Variants in NRIP1 observed in about 807,000 individuals in gnomAD.
NRIP1 encodes nuclear receptor-interacting protein 1.
NRIP1 carries 28 observed loss-of-function variants against 75.0 expected under a neutral mutation model. The observed-to-expected ratio is 0.37, with a 90% CI of 0.28 to 0.51. The LOEUF is 0.51. NRIP1 is among the 20% of genes least tolerant of loss of function. The pLI, the probability that NRIP1 is intolerant of heterozygous loss-of-function variation, is 0.92. For synonymous variants in NRIP1, 526 were observed against 487.6 expected, an observed-to-expected ratio of 1.08 and a Z score of -1.04; for missense variants, 1,435 against 1,343.7, an observed-to-expected ratio of 1.07 and a Z score of -1.06.
intron 1 of NRIP1, among the ~76,000 whole-genome samples, chr21:15,063,752 G>T (rs953614459): frequency 2.6e-5 from 4 of 152,182 alleles, no homozygotes; most frequent in African/African-American, 9.7e-5. Context: ...GCCTAAGAAC[G>T]TCTTTTTTCC....
rs746437857 is a variant in NRIP1 at position 14,965,698 on chromosome 21, G to A, written c.2495C>T (p.Ala832Val). Residue 832 changes from alanine to valine, a missense_variant, in exon 4 of 4, where the codon GCA (alanine) becomes GTA (valine). By Grantham distance (64) the Ala-to-Val change is moderately conservative (BLOSUM62 0). Coordinates refer to ENST00000318948, the MANE Select transcript of NRIP1 (RefSeq NM_003489.4). ...TCTGTGACTCCTGTCTGAATCATCT[G>A]CCAGGTAACTATCTTGATTTTGTCT... ...LLRQNQDSYL[A>V]DDSDRSHRNN... 12 of 1,613,538 alleles carry A rather than the reference G, an allele frequency of 7.4e-6. No individual in the cohort carries two copies. In the South Asian group the frequency reaches 1.3e-4, roughly 18 times the overall value.
At chr21:14,996,202 C>A (rs1013284723) in intron 3 of NRIP1, among the ~76,000 whole-genome samples, 2 of 152,148 alleles carry the variant, frequency 1.3e-5, no homozygotes, top group Non-Finnish European at 2.9e-5. Flanking sequence ...ACTTCACATT[C>A]TTTTTGTAGT....
chr21:15,027,783 T>C (rs1336257498), intron 2 of NRIP1, among the ~76,000 whole-genome samples: 1 of 152,174 alleles, frequency 6.6e-6, no homozygotes, highest in East Asian at 1.9e-4. Flanking sequence ...CCTCTAAATC[T>C]AAACGGGCTT....
At chr21:15,031,717 A>G (rs371327008) in intron 2 of NRIP1, among the ~76,000 whole-genome samples, 2 of 128,552 alleles carry the variant, frequency 1.6e-5, no homozygotes, top group Admixed American at 1.5e-4. Flanking sequence ...TTCCCTTTCT[A>G]TGTGTATACA....
chr21:15,014,265 T>C, intron 3 of NRIP1, 79 bp downstream of exon 3: 1 of 393,084 alleles, frequency 2.5e-6, no homozygotes, highest in Admixed American at 4.4e-5. Flanking sequence ...AGCTAATTTA[T>C]AACTGAGAAA....
intron 3 of NRIP1, among the ~76,000 whole-genome samples, chr21:14,976,418 G>A (rs2146987321): frequency 6.6e-6 from 1 of 152,176 alleles, no homozygotes; most frequent in East Asian, 1.9e-4. Flanking sequence ...GAATTACACA[G>A]TATATTTTAA....
chr21:14,964,786 G>A lies in NRIP1; in HGVS notation c.3407C>T (p.Pro1136Leu). Residue 1136 changes from proline (P) to leucine (L), a missense_variant, in exon 4 of 4, where the codon CCA (proline) becomes CTA (leucine). Pro to Leu is a moderately conservative substitution (Grantham distance 98). Transcript: ENST00000318948. ...NSHMGNNASR[P>L]HSANGEVYGL... is the part of the protein sequence containing the mutation. ...ATAAACTTCTCCATTTGCGCTGTGTGGGCGAGAAGCATTATTTCCCATATG... is the reference window on the plus strand; with the variant it reads ...ATAAACTTCTCCATTTGCGCTGTGTAGGCGAGAAGCATTATTTCCCATATG... The A allele has an allele frequency of 6.2e-7, 1 of 1,606,438 alleles. No homozygotes were observed. The highest frequency in any genetic ancestry group is 8.5e-7 in the Non-Finnish European group (1 of 1,177,618).
chr21:15,017,392 G>A (rs1156900282), intron 2 of NRIP1, among the ~76,000 whole-genome samples: 4 of 152,156 alleles, frequency 2.6e-5, no homozygotes, highest in African/African-American at 9.7e-5. Context: ...GTCATTATCT[G>A]TTGATGACAC....
intron 1 of NRIP1, among the ~76,000 whole-genome samples, chr21:15,063,407 T>G (rs949471390): frequency 3.9e-5 from 6 of 152,186 alleles, no homozygotes; most frequent in Non-Finnish European, 8.8e-5. Context: ...AGTCTATTAT[T>G]TCACTGTCTC....
intron 3 of NRIP1, among the ~76,000 whole-genome samples, chr21:14,997,748 C>T (rs915406809): frequency 4.7e-5 from 7 of 148,802 alleles, no homozygotes; most frequent in Non-Finnish European, 7.4e-5. Flanking sequence ...TTTATATATA[C>T]AATTTATATA....
intron 3 of NRIP1, among the ~76,000 whole-genome samples, chr21:15,002,864 A>G (rs1170603716): frequency 2.6e-5 from 4 of 152,250 alleles, no homozygotes; most frequent in Non-Finnish European, 5.9e-5. Context: ...CAAGAAAAGT[A>G]TGTGCATTAC....
chr21:14,991,067 A>G (rs1184309677), intron 3 of NRIP1: 1 of 152,064 alleles, frequency 6.6e-6, no homozygotes, highest in Non-Finnish European at 1.5e-5. Flanking sequence ...CCTAGATTAC[A>G]GCCCTGGCCC....
intron 2 of NRIP1, among the ~76,000 whole-genome samples, chr21:15,026,991 C>A (rs1190125991): frequency 2.6e-5 from 4 of 152,040 alleles, no homozygotes; most frequent in African/African-American, 9.7e-5. Flanking sequence ...ATCAAAACAT[C>A]TCTGTACCCC....
At chr21:15,026,896 G>C (rs1327297030) in intron 2 of NRIP1, among the ~76,000 whole-genome samples, 1 of 151,956 alleles carries the variant, frequency 6.6e-6, no homozygotes, top group Non-Finnish European at 1.5e-5. Context: ...AGTGTAACTG[G>C]GTTGTTTGCA....
Position 14,967,234 on chromosome 21 carries a change from C to G in NRIP1, c.959G>C (p.Gly320Ala). Residue 320 changes from glycine to alanine, a missense_variant, in exon 4 of 4, where the codon GGA becomes GCA. Transcript: ENST00000318948. ...CTGACCATTAAGATGGCTTGACATT[C>G]CTTTTGGGAGCTGGTAACTGCCAAC... is the stretch of plus-strand genomic sequence containing the variant. ...KDVGSYQLPKGMSSHLNGQAR... is the reference protein window; with the variant it reads ...KDVGSYQLPKAMSSHLNGQAR... The G allele has an allele frequency of 6.2e-7, 1 of 1,614,016 alleles. No homozygotes were observed. Among genetic ancestry groups the G allele is most frequent in the Non-Finnish European group, 8.5e-7 (1 of 1,179,986 alleles).
chr21:15,050,648 A>G (rs2089181109), intron 1 of NRIP1: 1 of 439,150 alleles, frequency 2.3e-6, no homozygotes, highest in Non-Finnish European at 4.6e-6. Flanking sequence ...ACCACAGTAA[A>G]TCCTACCCTT....
intron 2 of NRIP1, among the ~76,000 whole-genome samples, chr21:15,035,627 G>A (rs1337002549): frequency 2.6e-5 from 4 of 151,050 alleles, no homozygotes; most frequent in Non-Finnish European, 5.9e-5. Flanking sequence ...CGCGATCTCG[G>A]CTCACTGCAA....
chr21:15,035,828 T>C (rs1303850950), intron 2 of NRIP1, among the ~76,000 whole-genome samples: 1 of 152,172 alleles, frequency 6.6e-6, no homozygotes, highest in Admixed American at 6.5e-5. Context: ...AGTGCTGGGA[T>C]TACAGGCATC....
At chr21:14,973,139 G>T (rs1307141262) in intron 3 of NRIP1, among the ~76,000 whole-genome samples, 1 of 152,106 alleles carries the variant, frequency 6.6e-6, no homozygotes, top group Non-Finnish European at 1.5e-5. Context: ...GTAAGGGAGA[G>T]ACTTTACTTG....
Sources: gnomAD v4.1 joint callset for allele counts (sites outside exome capture counted in the v4.1 genomes callset) on GRCh38, gnomAD v4.1.1 for gene constraint, MANE v1.5 for transcripts, NCBI Gene and HGNC (gene_info 2026-07-23, HGNC 2026-07-21) for gene names.